Variants in PDLIM5 observed in about 807,000 individuals in gnomAD.
PDLIM5 encodes the protein PDZ and LIM domain protein 5.
PDLIM5 carries 34 observed loss-of-function variants against 64.2 expected under a neutral mutation model. The observed-to-expected ratio is 0.53, with a 90% CI of 0.40 to 0.71. PDLIM5 has a LOEUF of 0.71. PDLIM5 is among the 30% of genes least tolerant of loss of function. The pLI is 0.00. For synonymous variants in PDLIM5, 253 were observed against 269.1 expected, an observed-to-expected ratio of 0.94 and a Z score of 0.59; for missense variants, 683 against 733.6, an observed-to-expected ratio of 0.93 and a Z score of 0.80.
intron 3 of PDLIM5, among the ~76,000 whole-genome samples, chr4:94,526,191 A>G (rs1730337489): frequency 6.6e-6 from 1 of 152,226 alleles, no homozygotes; most frequent in Admixed American, 6.5e-5. Context: ...TTTATGACCC[A>G]GGAACCAGAA....
chr4:94,554,067 T>C (rs1270920232), intron 3 of PDLIM5, among the ~76,000 whole-genome samples: 1 of 152,234 alleles, frequency 6.6e-6, no homozygotes, highest in South Asian at 2.1e-4. Flanking sequence ...TGTTGGACTT[T>C]ATAATCTTTT....
chr4:94,643,987 A>G (rs1741203472), intron 9 of PDLIM5, among the ~76,000 whole-genome samples: 1 of 152,078 alleles, frequency 6.6e-6, no homozygotes, highest in Non-Finnish European at 1.5e-5. Flanking sequence ...TAGCCCTTGT[A>G]TTTAAGGAAA....
chr4:94,590,967 A>G (rs1217264332), intron 7 of PDLIM5, among the ~76,000 whole-genome samples: 1 of 152,204 alleles, frequency 6.6e-6, no homozygotes, highest in African/African-American at 2.4e-5. Context: ...TAACAATTTA[A>G]TATTTTTCCT....
At chr4:94,654,852 C>T (rs1173696931) in intron 10 of PDLIM5, among the ~76,000 whole-genome samples, 2 of 152,104 alleles carry the variant, frequency 1.3e-5, no homozygotes, top group African/African-American at 2.4e-5. Flanking sequence ...TTTTGTCTCA[C>T]TGAGTGCTGG....
chr4:94,645,927 T>C (rs746981461), intron 9 of PDLIM5, among the ~76,000 whole-genome samples: 1 of 152,200 alleles, frequency 6.6e-6, no homozygotes, highest in Non-Finnish European at 1.5e-5. Flanking sequence ...AAGAAGATAA[T>C]AGATAATAAA....
At chr4:94,506,244 A>G (rs1224422339) in intron 2 of PDLIM5, among the ~76,000 whole-genome samples, 1 of 152,222 alleles carries the variant, frequency 6.6e-6, no homozygotes, top group Non-Finnish European at 1.5e-5. Context: ...AATTCCTAGT[A>G]TGATATAATT....
intron 1 of PDLIM5, among the ~76,000 whole-genome samples, chr4:94,452,731 T>C (rs1414414125): frequency 2.6e-5 from 4 of 152,136 alleles, no homozygotes; most frequent in Non-Finnish European, 1.5e-5. Context: ...GTGGCGGCGC[T>C]GGGCAGGGCA....
chr4:94,615,818 C>A (rs13110958), intron 7 of PDLIM5, among the ~76,000 whole-genome samples: 10,568 of 152,136 alleles, frequency 0.069, 483 homozygotes, highest in East Asian at 0.12. Flanking sequence ...TGAAGCAAAT[C>A]CATCTCACTG....
chr4:94,529,214 G>A (rs946602517), intron 3 of PDLIM5, among the ~76,000 whole-genome samples: 7 of 152,154 alleles, frequency 4.6e-5, no homozygotes, highest in Non-Finnish European at 1.0e-4. Flanking sequence ...TACAGTCACG[G>A]AAAGGAAGGC....
intron 3 of PDLIM5, among the ~76,000 whole-genome samples, chr4:94,566,695 C>T (rs753341185): frequency 3.9e-5 from 6 of 152,156 alleles, no homozygotes; most frequent in Non-Finnish European, 5.9e-5. Context: ...CAAAGAGCTT[C>T]GTAAGAGAAG....
chr4:94,551,681 T>C (rs1732820001), intron 3 of PDLIM5, among the ~76,000 whole-genome samples: 1 of 152,152 alleles, frequency 6.6e-6, no homozygotes, highest in Non-Finnish European at 1.5e-5. Flanking sequence ...TGAAAAAGTC[T>C]TGACACACAG....
chr4:94,633,797 TATTGG>T (rs1740342559), intron 8 of PDLIM5, among the ~76,000 whole-genome samples: 1 of 152,138 alleles, frequency 6.6e-6, no homozygotes, highest in South Asian at 2.1e-4. Flanking sequence ...TGCTGAGGAA[TATTGG>T]AACTGCTGCT....
At chr4:94,564,440 G>A (rs927684768) in intron 3 of PDLIM5, among the ~76,000 whole-genome samples, 4 of 152,034 alleles carry the variant, frequency 2.6e-5, no homozygotes, top group African/African-American at 4.8e-5. Context: ...CTTTGCACTT[G>A]CTATTTGGAC....
intron 2 of PDLIM5, among the ~76,000 whole-genome samples, chr4:94,518,044 A>T (rs111501647): frequency 2.0e-5 from 3 of 152,180 alleles, no homozygotes; most frequent in Non-Finnish European, 4.4e-5. Flanking sequence ...TATTTCCTGC[A>T]ATTTAGAAGG....
In PDLIM5 at chr4:94,650,031, G is replaced by T. The variant is rs373033275; in HGVS notation, c.1284-4429G>T. ...AAGTTAAAGTTGACATTCAGCGAAAGAATTACTTTTTAATGTTCCAAATTG... is the reference window on the plus strand; with the variant it reads ...AAGTTAAAGTTGACATTCAGCGAAATAATTACTTTTTAATGTTCCAAATTG... On this transcript the variant is annotated intron_variant, in intron 9 of 12. Transcript: ENST00000317968. Among the ~76,000 whole-genome samples, 7 of 152,214 alleles carry T rather than the reference G, an allele frequency of 4.6e-5. No homozygotes were observed. In the East Asian group the frequency reaches 1.3e-3, roughly 29 times the overall value.
chr4:94,457,583 A>G (rs555720091), intron 2 of PDLIM5, among the ~76,000 whole-genome samples: 1 of 152,358 alleles, frequency 6.6e-6, no homozygotes, highest in South Asian at 2.1e-4. Flanking sequence ...TTCAGAAACA[A>G]ATTGACACCT....
chr4:94,529,569 T>G (rs1730673495), intron 3 of PDLIM5, among the ~76,000 whole-genome samples: 1 of 152,148 alleles, frequency 6.6e-6, no homozygotes, highest in African/African-American at 2.4e-5. Flanking sequence ...GATACTTGCT[T>G]GAGTCTGGTG....
At position 94,565,431 on chromosome 4, in the gene PDLIM5, T is replaced by TG. The variant is rs1734235241; in HGVS notation, c.249-7916dup. On this transcript the variant is annotated intron_variant, in intron 3 of 12. Coordinates refer to ENST00000317968, the MANE Select transcript of PDLIM5 (RefSeq NM_006457.5). ...GCTCAGTATGCAGCCCCCTGTATCA[T>TG]GGGGCACACATCAGTCCTGAAATCT... Among the ~76,000 whole-genome samples the TG allele has an allele frequency of 2.6e-5, 4 of 152,346 alleles. No individual in the cohort carries two copies. The South Asian group carries it at 8.3e-4, about 32-fold the overall frequency.
chr4:94,594,229 T>G (rs1736886773), intron 7 of PDLIM5, among the ~76,000 whole-genome samples: 1 of 152,206 alleles, frequency 6.6e-6, no homozygotes, highest in South Asian at 2.1e-4. Flanking sequence ...ATTTTCTGTT[T>G]GTTAATTAGT....
Sources: gnomAD v4.1 joint callset for allele counts (sites outside exome capture counted in the v4.1 genomes callset) on GRCh38, gnomAD v4.1.1 for gene constraint, MANE v1.5 for transcripts, NCBI Gene and HGNC (gene_info 2026-07-23, HGNC 2026-07-21) for gene names.